Variants in PHKB observed in about 807,000 individuals in gnomAD.
PHKB encodes the protein phosphorylase b kinase regulatory subunit beta.
In PHKB, 122 loss-of-function variants were observed where a neutral mutation model predicts 152.1. The ratio of observed to expected loss-of-function variants is 0.80; its 90% CI spans 0.69 to 0.93. PHKB has a LOEUF of 0.93. Among genes scored for constraint, PHKB ranks in the 40% least tolerant of loss-of-function variants. The pLI is 0.00. For missense variants in PHKB, 1,304 were observed against 1,328.4 expected, an observed-to-expected ratio of 0.98 and a Z score of 0.29; for synonymous variants, 436 against 464.9, an observed-to-expected ratio of 0.94 and a Z score of 0.80.
chr16:47,525,304 T>C (rs1457556794), intron 6 of PHKB, among the ~76,000 whole-genome samples: 1 of 152,216 alleles, frequency 6.6e-6, no homozygotes, highest in African/African-American at 2.4e-5. Flanking sequence ...CCACAAATGA[T>C]CACTATTTTA....
chr16:47,509,154 T>C (rs1970467902), intron 4 of PHKB, among the ~76,000 whole-genome samples: 1 of 152,200 alleles, frequency 6.6e-6, no homozygotes, highest in South Asian at 2.1e-4. Flanking sequence ...ACCTATTTTT[T>C]ATATAGGAGC....
intron 7 of PHKB, among the ~76,000 whole-genome samples, chr16:47,556,441 T>C (rs1249873763): frequency 1.3e-5 from 2 of 152,202 alleles, no homozygotes; most frequent in African/African-American, 2.4e-5. Flanking sequence ...GAGATATGTC[T>C]CATCAATACC....
intron 6 of PHKB, among the ~76,000 whole-genome samples, chr16:47,532,861 T>C (rs1357590158): frequency 6.6e-6 from 1 of 152,212 alleles, no homozygotes; most frequent in African/African-American, 2.4e-5. Flanking sequence ...ATGGGTCCCA[T>C]GTTCTTGTCC....
At chr16:47,684,317 C>T (rs71382705) in intron 26 of PHKB, among the ~76,000 whole-genome samples, 4,802 of 151,692 alleles carry the variant, frequency 0.032, 86 homozygotes, top group Middle Eastern at 0.052. Flanking sequence ...CAAGTAAGAC[C>T]GTGTCTCAAA....
intron 4 of PHKB, among the ~76,000 whole-genome samples, chr16:47,506,746 A>G (rs779915993): frequency 3.9e-5 from 6 of 152,216 alleles, no homozygotes; most frequent in African/African-American, 1.2e-4. Flanking sequence ...TCCCTGGGCC[A>G]TATGGGAAGG....
intron 26 of PHKB, among the ~76,000 whole-genome samples, chr16:47,681,803 T>C (rs1443100707): frequency 6.6e-6 from 1 of 152,224 alleles, no homozygotes; most frequent in East Asian, 1.9e-4. Context: ...GTGTATTTGG[T>C]TCCGTCATTA....
chr16:47,625,231 T>C (rs1972688391), intron 14 of PHKB, among the ~76,000 whole-genome samples: 1 of 152,218 alleles, frequency 6.6e-6, no homozygotes, highest in Admixed American at 6.5e-5. Context: ...AGAGCCACCA[T>C]CATGTGAGTT....
At chr16:47,479,821 C>T (rs2151633091) in intron 1 of PHKB, among the ~76,000 whole-genome samples, 1 of 152,270 alleles carries the variant, frequency 6.6e-6, no homozygotes, top group Non-Finnish European at 1.5e-5. Flanking sequence ...CCCCACAGTT[C>T]CTGGGTGTGA....
chr16:47,597,544 A>G (rs1972142099), intron 13 of PHKB, among the ~76,000 whole-genome samples: 2 of 152,106 alleles, frequency 1.3e-5, no homozygotes, highest in African/African-American at 4.8e-5. Flanking sequence ...ATTTAAGAAC[A>G]TGAAGAAACA....
chr16:47,595,778 T>C (rs1972107475), intron 12 of PHKB, among the ~76,000 whole-genome samples: 3 of 152,226 alleles, frequency 2.0e-5, no homozygotes, highest in Admixed American at 2.0e-4. Context: ...ATGTACTCAT[T>C]GTTAGCCAAA....
At chr16:47,667,102 A>T (rs906715090) in intron 25 of PHKB, among the ~76,000 whole-genome samples, 2 of 152,120 alleles carry the variant, frequency 1.3e-5, no homozygotes, top group Non-Finnish European at 2.9e-5. Context: ...TGTTTCCTGT[A>T]ATATTTAATA....
rs1194573898 is a variant in PHKB, at chr16:47,696,554, A to G, written c.3003+66A>G. The G allele has an allele frequency of 1.1e-5, 10 of 888,200 alleles. No homozygotes were observed. In the Admixed American group the frequency reaches 1.7e-4, roughly 15 times the overall value. 55.0% of individuals were successfully genotyped at this position (888,200 alleles called of 1,614,324 possible). On this transcript the variant is annotated intron_variant, in intron 29 of 30. Coordinates refer to ENST00000323584, the MANE Select transcript of PHKB (RefSeq NM_000293.3). ...TCTCTGCTCCGTGAAAACTAGTATA[A>G]GGGAAACTGCCTATGAGACCCAGAA...
chr16:47,523,208 A>G (rs1436303135), intron 6 of PHKB, among the ~76,000 whole-genome samples: 4 of 152,134 alleles, frequency 2.6e-5, no homozygotes, highest in Admixed American at 2.6e-4. Context: ...TGCATGTCTC[A>G]TCTTTCTTTG....
In PHKB at chr16:47,636,898, C is replaced by T. The variant is rs1040074418; in HGVS notation, c.1459-4137C>T. The stretch of plus-strand genomic sequence containing the variant: ...CCGGGCTGCCACCCCTGGGTGGAGT[C>T]TGCAGCCCAGAGTGAGAAACTGTGC... On this transcript the variant is annotated intron_variant, in intron 14 of 30. Transcript: ENST00000323584. Among the ~76,000 whole-genome samples, 14 of 152,304 alleles carry T rather than the reference C, an allele frequency of 9.2e-5. No individual in the cohort carries two copies. In the South Asian group the frequency reaches 2.7e-3, roughly 29 times the overall value.
chr16:47,553,870 A>T (rs2098420), intron 7 of PHKB, among the ~76,000 whole-genome samples: 150,408 of 152,314 alleles, frequency 0.99, 74,285 homozygotes, highest in East Asian at 1. Flanking sequence ...CAGCGGAGGC[A>T]GCAGAACGTC....
chr16:47,506,749 T>C (rs958492660), intron 4 of PHKB, among the ~76,000 whole-genome samples: 1 of 152,174 alleles, frequency 6.6e-6, no homozygotes, highest in Non-Finnish European at 1.5e-5. Flanking sequence ...CTGGGCCATA[T>C]GGGAAGGAGA....
intron 27 of PHKB, among the ~76,000 whole-genome samples, chr16:47,689,455 TACCAC>T (rs1974023094): frequency 6.6e-6 from 1 of 152,222 alleles, no homozygotes; most frequent in Non-Finnish European, 1.5e-5. Flanking sequence ...TAACACCTCA[TACCAC>T]TTTCTGAAGT....
At chr16:47,554,600 C>T (rs1304050072) in intron 7 of PHKB, among the ~76,000 whole-genome samples, 2 of 152,144 alleles carry the variant, frequency 1.3e-5, no homozygotes, top group East Asian at 3.9e-4. Context: ...GGTGTCTTCC[C>T]AAATGGCCAC....
intron 8 of PHKB, among the ~76,000 whole-genome samples, chr16:47,585,022 C>T (rs1478990531): frequency 6.6e-6 from 1 of 152,172 alleles, no homozygotes; most frequent in Non-Finnish European, 1.5e-5. Context: ...AAGTGCAGTG[C>T]AGCCCTTCCC....
Sources: allele counts gnomAD v4.1 joint callset (sites outside exome capture counted in the v4.1 genomes callset), GRCh38; gene constraint gnomAD v4.1.1; transcripts MANE v1.5; gene names NCBI Gene and HGNC (gene_info 2026-07-23, HGNC 2026-07-21).